FOXJ3: variants seen among roughly 807,000 people sequenced by gnomAD.
FOXJ3 encodes forkhead box J3.
Under a neutral mutation model 76.1 loss-of-function variants are expected in FOXJ3, and 22 were observed. The observed-to-expected ratio is 0.29, with a 90% CI of 0.21 to 0.41. The LOEUF (loss-of-function observed/expected upper bound fraction) is 0.41, where lower values mean the gene tolerates loss of function less well. Among genes scored for constraint, FOXJ3 ranks in the 10% least tolerant of loss-of-function variants. FOXJ3 has a pLI of 1.00. For synonymous variants in FOXJ3, 269 were observed against 261.2 expected (o/e 1.03, Z -0.29); for missense variants, 613 against 762.1 (o/e 0.80, Z 2.30).
intron 2 of FOXJ3, among the ~76,000 whole-genome samples, chr1:42,290,931 G>A (rs1016574863): frequency 3.9e-5 from 6 of 152,174 alleles, no homozygotes; most frequent in South Asian, 4.2e-4. Flanking sequence ...GACTTAGACC[G>A]TCAGATTTCA....
chr1:42,273,896 C>T (rs552283971), intron 3 of FOXJ3, among the ~76,000 whole-genome samples: 15 of 152,216 alleles, frequency 9.9e-5, no homozygotes, highest in Admixed American at 9.8e-4. Flanking sequence ...GGAAGATCTG[C>T]CATGTGCCCT....
intron 1 of FOXJ3, among the ~76,000 whole-genome samples, chr1:42,325,913 G>A (rs1001009069): frequency 6.6e-6 from 1 of 152,092 alleles, no homozygotes; most frequent in African/African-American, 2.4e-5. Flanking sequence ...TTAACAAACT[G>A]CTTAGAAAGC....
intron 1 of FOXJ3, among the ~76,000 whole-genome samples, chr1:42,322,795 G>A (rs1277872185): frequency 6.6e-6 from 1 of 152,096 alleles, no homozygotes; most frequent in East Asian, 1.9e-4. Context: ...TATGAGCCAA[G>A]AGAGTGACTC....
rs1267734683 is a variant in FOXJ3 at position 42,188,737 on chromosome 1, C to CTGT, written c.1642_1644dup (p.Thr548dup). ...ATCAAGAAGATAACTAACCCCATACCTGTTCCAATGTGTTGGGAAGGTTTT... is the reference window on the plus strand; with the variant it reads ...ATCAAGAAGATAACTAACCCCATACCTGTTGTTCCAATGTGTTGGGAAGGTTTT... On this transcript the variant is annotated inframe_insertion and splice_region_variant, in exon 11 of 13. Coordinates refer to ENST00000361346, the MANE Select transcript of FOXJ3 (RefSeq NM_014947.5). 1 of 1,564,276 alleles carries CTGT rather than the reference C, an allele frequency of 6.4e-7. No homozygotes were observed. The highest frequency in any genetic ancestry group is 2.3e-5 in the East Asian group (1 of 43,196).
intron 3 of FOXJ3, among the ~76,000 whole-genome samples, chr1:42,267,013 C>G (rs1287846805): frequency 6.6e-6 from 1 of 152,010 alleles, no homozygotes; most frequent in Non-Finnish European, 1.5e-5. Flanking sequence ...ACCTTGGGCC[C>G]AGGATCCTAT....
chr1:42,326,887 G>A (rs1655867269), intron 1 of FOXJ3, among the ~76,000 whole-genome samples: 1 of 152,164 alleles, frequency 6.6e-6, no homozygotes, highest in Admixed American at 6.5e-5. Flanking sequence ...CATACTAAGA[G>A]TAAGAAACAA....
intron 2 of FOXJ3, among the ~76,000 whole-genome samples, chr1:42,303,287 G>A (rs989307432): frequency 1.2e-4 from 19 of 152,112 alleles, no homozygotes; most frequent in African/African-American, 4.1e-4. Flanking sequence ...TGTGAAGTAA[G>A]GATAATAATG....
chr1:42,320,621 G>T (rs901396102), intron 1 of FOXJ3, among the ~76,000 whole-genome samples: 7 of 151,942 alleles, frequency 4.6e-5, no homozygotes, highest in Non-Finnish European at 8.8e-5. Flanking sequence ...TGAAATTAGA[G>T]GTATACGATA....
intron 4 of FOXJ3, among the ~76,000 whole-genome samples, chr1:42,231,520 T>C (rs1171553963): frequency 6.6e-6 from 1 of 152,020 alleles, no homozygotes; most frequent in Non-Finnish European, 1.5e-5. Flanking sequence ...AATTTAAGTG[T>C]GGGAAGATGA....
chr1:42,223,099 A>G (rs995282837), intron 5 of FOXJ3, among the ~76,000 whole-genome samples: 1 of 152,228 alleles, frequency 6.6e-6, no homozygotes, highest in African/African-American at 2.4e-5. Flanking sequence ...ACCCTAGTAC[A>G]ATGCCTGGCA....
chr1:42,184,337 C>T (rs766795543), intron 11 of FOXJ3, among the ~76,000 whole-genome samples: 32 of 151,992 alleles, frequency 2.1e-4, no homozygotes, highest in Non-Finnish European at 4.1e-4. Flanking sequence ...GTAATTCTTA[C>T]CTTAAAGGCA....
At chr1:42,186,424 C>T (rs1020765879) in intron 11 of FOXJ3, among the ~76,000 whole-genome samples, 16 of 152,042 alleles carry the variant, frequency 1.1e-4, no homozygotes, top group Non-Finnish European at 2.2e-4. Flanking sequence ...TGAAGAAAAA[C>T]TATAGTTTTT....
chr1:42,274,667 T>A (rs1383499554), intron 3 of FOXJ3, among the ~76,000 whole-genome samples: 1 of 152,174 alleles, frequency 6.6e-6, no homozygotes, highest in Non-Finnish European at 1.5e-5. Flanking sequence ...CTTAGTATAG[T>A]GCCTGGCAGA....
chr1:42,294,666 G>A (rs1004317813), intron 2 of FOXJ3, among the ~76,000 whole-genome samples: 15 of 150,668 alleles, frequency 1.0e-4, no homozygotes, highest in Non-Finnish European at 7.4e-5. Context: ...GGAGGCTGAG[G>A]CAGGAGAACT....
In FOXJ3 at chr1:42,259,095, C is replaced by T. The variant is rs765508857; in HGVS notation, c.444+6020G>A. Among the ~76,000 whole-genome samples the T allele has an allele frequency of 5.9e-5, 9 of 152,116 alleles. 1 individual carries two copies. The East Asian group carries it at 1.7e-3, about 29-fold the overall frequency. On this transcript the variant is annotated intron_variant, in intron 4 of 12. Transcript: ENST00000361346. ...GAAACAAAACTGCTGATATGCACAA[C>T]GACATGGATAGCTCTCAAATACATT... is the stretch of plus-strand genomic sequence containing the variant.
intron 3 of FOXJ3, among the ~76,000 whole-genome samples, chr1:42,266,007 C>T (rs1005588997): frequency 6.6e-6 from 1 of 152,120 alleles, no homozygotes; most frequent in African/African-American, 2.4e-5. Flanking sequence ...TTAAATGCTC[C>T]AAAACCCATT....
At chr1:42,310,265 C>T (rs547106602) in intron 2 of FOXJ3, among the ~76,000 whole-genome samples, 19 of 151,598 alleles carry the variant, frequency 1.3e-4, no homozygotes, top group African/African-American at 4.6e-4. Flanking sequence ...CCTATCTCAG[C>T]CTCCCGAGTA....
intron 2 of FOXJ3, among the ~76,000 whole-genome samples, chr1:42,307,793 A>G (rs560171578): frequency 1.3e-5 from 2 of 152,310 alleles, no homozygotes; most frequent in South Asian, 2.1e-4. Flanking sequence ...TTCACATATA[A>G]TATCTACTGG....
intron 1 of FOXJ3, among the ~76,000 whole-genome samples, chr1:42,312,780 T>C (rs1001285965): frequency 6.6e-6 from 1 of 152,270 alleles, no homozygotes; most frequent in Non-Finnish European, 1.5e-5. Context: ...ATGTACAAGA[T>C]GCAACAACGT....
Sources: gnomAD v4.1 joint callset for allele counts (sites outside exome capture counted in the v4.1 genomes callset) on GRCh38, gnomAD v4.1.1 for gene constraint, MANE v1.5 for transcripts, NCBI Gene and HGNC (gene_info 2026-07-23, HGNC 2026-07-21) for gene names.